HIVEP1: variants seen among roughly 807,000 people sequenced by gnomAD.
The protein encoded by HIVEP1 is zinc finger protein 40.
HIVEP1 carries 36 observed loss-of-function variants against 180.0 expected under a neutral mutation model. The observed-to-expected ratio is 0.20, with a 90% CI of 0.15 to 0.26. The LOEUF (loss-of-function observed/expected upper bound fraction) is 0.26. Among genes scored for constraint, HIVEP1 ranks in the 10% least tolerant of loss-of-function variants. The pLI is 1.00. For synonymous variants in HIVEP1, 1,239 were observed against 1,239.0 expected (o/e 1.00, Z 0.00); for missense variants, 3,143 against 3,268.7 (o/e 0.96, Z 0.94).
At chr6:12,156,417 G>A (rs115386174) in intron 7 of HIVEP1, among the ~76,000 whole-genome samples, 4,628 of 152,034 alleles carry the variant, frequency 0.03, 101 homozygotes, top group Non-Finnish European at 0.046. Context: ...TATATATATT[G>A]TAAAGAAGGG....
rs748613484 is a variant in HIVEP1, at chr6:12,123,128, C to A, written c.3333C>A (p.Ile1111=). 4 of 1,614,044 alleles carry A rather than the reference C, an allele frequency of 2.5e-6. No homozygotes were observed. Among genetic ancestry groups the A allele is most frequent in the Non-Finnish European group, 3.4e-6 (4 of 1,180,028 alleles). ...CCATGGATCCCAAGCTGTCGACCAT[C>A]ATGGAACAACAGATAAGTTCAGCAG... ...EQTMDPKLST[I]MEQQISSAAQ... Residue 1111 remains isoleucine (I), a synonymous_variant, in exon 4 of 9, where the codon ATC becomes ATA. Coordinates refer to ENST00000379388, the MANE Select transcript of HIVEP1 (RefSeq NM_002114.4).
At chr6:12,194,126 G>T in the HIVEP1 span, among the ~76,000 whole-genome samples, 76 of 152,244 alleles carry the variant, frequency 5.0e-4, no homozygotes, top group African/African-American at 1.7e-3. Flanking sequence ...TATCATTAAT[G>T]ATGTTTATTG....
chr6:12,116,251 A>G (rs1463646823), intron 3 of HIVEP1, among the ~76,000 whole-genome samples: 1 of 152,032 alleles, frequency 6.6e-6, no homozygotes, highest in African/African-American at 2.4e-5. Flanking sequence ...TATTCCAGGT[A>G]TTTCATTATC....
At chr6:12,049,364 G>T (rs1467924640) in intron 2 of HIVEP1, among the ~76,000 whole-genome samples, 1 of 152,192 alleles carries the variant, frequency 6.6e-6, no homozygotes, top group East Asian at 1.9e-4. Flanking sequence ...GAGTGGGTCA[G>T]CACCTGGAGA....
chr6:12,202,553 C>A, the HIVEP1 span, among the ~76,000 whole-genome samples: 1 of 152,158 alleles, frequency 6.6e-6, no homozygotes, highest in African/African-American at 2.4e-5. Context: ...TTAATTATCC[C>A]CTGATACTTC....
At chr6:12,099,376 C>T (rs1025456626) in intron 3 of HIVEP1, among the ~76,000 whole-genome samples, 11 of 151,866 alleles carry the variant, frequency 7.2e-5, no homozygotes, top group Admixed American at 2.0e-4. Context: ...CCGTTTTAGC[C>T]GGGATGGTCT....
chr6:12,172,455 A>G, the HIVEP1 span, among the ~76,000 whole-genome samples: 15 of 152,144 alleles, frequency 9.9e-5, no homozygotes, highest in Middle Eastern at 0.014. Flanking sequence ...GAAAAAAAAT[A>G]TAGCTGATTT....
At position 12,122,613 on chromosome 6, in the gene HIVEP1, C is replaced by T; in HGVS notation, c.2818C>T (p.Leu940=). 8 of 1,614,134 alleles carry T rather than the reference C, an allele frequency of 5.0e-6. No individual in the cohort carries two copies. The highest frequency in any genetic ancestry group is 6.8e-6 in the Non-Finnish European group (8 of 1,180,026). ...GEAMSVRSKA[L]AQGPHIEKKK... is the part of the protein sequence containing the mutation. ...AGCCATGTCAGTGAGGAGCAAGGCA[C>T]TGGCACAAGGCCCACATATAGAAAA... Residue 940 remains leucine, a synonymous_variant, in exon 4 of 9, where the codon CTG becomes TTG. Coordinates refer to ENST00000379388, the MANE Select transcript of HIVEP1 (RefSeq NM_002114.4).
At chr6:12,116,059 C>T (rs1214909349) in intron 3 of HIVEP1, among the ~76,000 whole-genome samples, 2 of 151,888 alleles carry the variant, frequency 1.3e-5, no homozygotes, top group Non-Finnish European at 2.9e-5. Context: ...CTCTTCATAC[C>T]AATTTTATTT....
At position 12,135,827 on chromosome 6, in the gene HIVEP1, G is replaced by C; in HGVS notation, c.6422G>C (p.Ser2141Thr). ...LTKHMKSKAHSKKCVDLGVSV... is the reference protein window; with the variant it reads ...LTKHMKSKAHTKKCVDLGVSV... ...AAACACATGAAGTCCAAGGCACATA[G>C]CAAGAAATGTGTGGATTTAGGCGTC... The change falls in exon 7 of 9, where the codon AGC (serine) becomes ACC (threonine). Residue 2141 changes from serine to threonine, a missense_variant. Physicochemically the swap from Ser to Thr is moderately conservative, Grantham distance 58. Transcript: ENST00000379388. The C allele has an allele frequency of 6.2e-7, 1 of 1,612,584 alleles. No individual in the cohort carries two copies. Among genetic ancestry groups the C allele is most frequent in the Non-Finnish European group, 8.5e-7 (1 of 1,178,794 alleles).
chr6:12,035,909 CT>C (rs1769251330), intron 2 of HIVEP1, among the ~76,000 whole-genome samples: 1 of 152,048 alleles, frequency 6.6e-6, no homozygotes, highest in Non-Finnish European at 1.5e-5. Flanking sequence ...AAAAGGTAGC[CT>C]TTTCTAATAC....
At chr6:12,137,046 G>T (rs1758744403) in intron 7 of HIVEP1, among the ~76,000 whole-genome samples, 1 of 152,108 alleles carries the variant, frequency 6.6e-6, no homozygotes, top group South Asian at 2.1e-4. Flanking sequence ...AAATTCAAAG[G>T]CATTTAATCC....
chr6:12,164,284 G>A lies in HIVEP1; in HGVS notation c.7980G>A (p.Thr2660=), dbSNP rs563520519. Residue 2660 remains threonine, a synonymous_variant, in exon 9 of 9, where the codon ACG becomes ACA. Coordinates refer to ENST00000379388, the MANE Select transcript of HIVEP1 (RefSeq NM_002114.4). ...CCATACAGGGCCAACCAGCGTCCACGTCACAACCTCTGCTGAAGGCACATT... is the reference window on the plus strand; with the variant it reads ...CCATACAGGGCCAACCAGCGTCCACATCACAACCTCTGCTGAAGGCACATT... ...LTSIQGQPAS[T]SQPLLKAHSE... 85 of 1,614,044 alleles carry A rather than the reference G, an allele frequency of 5.3e-5. No homozygotes were observed. The South Asian group carries it at 8.2e-4, about 16-fold the overall frequency.
At position 12,069,316 on chromosome 6, in the gene HIVEP1, A is replaced by G. The variant is rs533261308; in HGVS notation, c.41-19868A>G. On this transcript the variant is annotated intron_variant, in intron 2 of 8. Transcript: ENST00000379388. ...AAGATAAAAAATTCATACAACCTGT[A>G]TAGGACACTTACCATGAATAGAGCT... Among the ~76,000 whole-genome samples the G allele has an allele frequency of 4.6e-5, 7 of 152,268 alleles. No individual in the cohort carries two copies. The South Asian group carries it at 8.3e-4, about 18-fold the overall frequency.
downstream of HIVEP1, among the ~76,000 whole-genome samples, chr6:12,167,581 C>CATGTTATATAACATGTATATATACAT (rs55679474): frequency 3.1e-5 from 2 of 64,916 alleles, no homozygotes; most frequent in African/African-American, 2.0e-4. Flanking sequence ...GTTATATATA[C>CATGTTATATAACATGTATATATACAT]GTTATATTAC....
upstream of HIVEP1, among the ~76,000 whole-genome samples, chr6:12,009,317 C>T (rs1360255423): frequency 6.6e-6 from 1 of 151,910 alleles, no homozygotes; most frequent in African/African-American, 2.4e-5. Context: ...GGACTTTGTG[C>T]CCTCTCCAAA....
chr6:12,110,806 T>C (rs368277638), intron 3 of HIVEP1, among the ~76,000 whole-genome samples: 1,607 of 152,368 alleles, frequency 0.011, 30 homozygotes, highest in African/African-American at 0.036. Context: ...TACTGGCTGG[T>C]ACAAGCATCC....
At chr6:12,144,757 G>A (rs1340917836) in intron 7 of HIVEP1, among the ~76,000 whole-genome samples, 10 of 152,156 alleles carry the variant, frequency 6.6e-5, no homozygotes, top group Non-Finnish European at 1.0e-4. Context: ...GCAGCCAACA[G>A]ACACATGAAA....
At chr6:12,208,979 C>T in the HIVEP1 span, among the ~76,000 whole-genome samples, 1 of 152,220 alleles carries the variant, frequency 6.6e-6, no homozygotes, top group South Asian at 2.1e-4. Context: ...TGTTTTCCCT[C>T]AGCATTAGCC....
Sources: gnomAD v4.1 joint callset for allele counts (sites outside exome capture counted in the v4.1 genomes callset) on GRCh38, gnomAD v4.1.1 for gene constraint, MANE v1.5 for transcripts, NCBI Gene and HGNC (gene_info 2026-07-23, HGNC 2026-07-21) for gene names.